Variants in LYPLAL1 observed in about 807,000 individuals in gnomAD.
LYPLAL1 encodes the protein lysophospholipase-like protein 1.
LYPLAL1 carries 23 observed loss-of-function variants against 19.7 expected under a neutral mutation model. The observed-to-expected ratio is 1.17, with a 90% confidence interval of 0.84 to 1.65. The LOEUF is 1.65. Among genes scored for constraint, LYPLAL1 ranks in the 40% most tolerant of loss-of-function variants. The probability of loss-of-function intolerance (pLI) is 0.00; values close to 1 mark genes in which losing one functional copy is unlikely to be tolerated. For synonymous variants in LYPLAL1, 119 were observed against 96.3 expected, an observed-to-expected ratio of 1.24 and a Z score of -1.38; for missense variants, 355 against 279.4, an observed-to-expected ratio of 1.27 and a Z score of -1.93.
the LYPLAL1 span, among the ~76,000 whole-genome samples, chr1:219,254,248 C>T: frequency 1.1e-4 from 16 of 151,884 alleles, no homozygotes; most frequent in African/African-American, 3.9e-4. Flanking sequence ...TCACTCTGTG[C>T]CTTTTATTTG....
At chr1:219,210,776 C>A in intron 4 of LYPLAL1, 129 bp downstream of exon 4, 1 of 804,706 alleles carries the variant, frequency 1.2e-6, no homozygotes, top group Non-Finnish European at 1.8e-6. Flanking sequence ...ATTGACCATT[C>A]CTGGAATTCA....
chr1:219,396,812 C>T, the LYPLAL1 span, among the ~76,000 whole-genome samples: 23 of 152,158 alleles, frequency 1.5e-4, no homozygotes, highest in African/African-American at 4.3e-4. Flanking sequence ...GCTTTTGGGC[C>T]GAGACTGTGG....
intron 3 of LYPLAL1, among the ~76,000 whole-genome samples, chr1:219,200,774 T>C (rs1222157918): frequency 2.0e-5 from 3 of 152,194 alleles, no homozygotes; most frequent in Non-Finnish European, 4.4e-5. Context: ...ATAGAAGATA[T>C]TATAAAGAAG....
downstream of LYPLAL1, among the ~76,000 whole-genome samples, chr1:219,213,319 A>G (rs1659170871): frequency 6.6e-6 from 1 of 151,578 alleles, no homozygotes. Context: ...AGTCTTAATT[A>G]CTATAACTGT....
the LYPLAL1 span, among the ~76,000 whole-genome samples, chr1:219,243,796 G>A: frequency 3.3e-5 from 5 of 151,702 alleles, no homozygotes; most frequent in Non-Finnish European, 7.4e-5. Context: ...GTGGGTGCCT[G>A]TAATCCCAGC....
chr1:219,301,284 A>T, the LYPLAL1 span, among the ~76,000 whole-genome samples: 1 of 152,236 alleles, frequency 6.6e-6, no homozygotes, highest in African/African-American at 2.4e-5. Context: ...AGGTATTCAC[A>T]GTAATCTAAG....
chr1:219,327,856 T>C, the LYPLAL1 span, among the ~76,000 whole-genome samples: 1 of 152,202 alleles, frequency 6.6e-6, no homozygotes, highest in Admixed American at 6.5e-5. Flanking sequence ...GCCTTTCATC[T>C]TCCACCATGA....
chr1:219,283,439 C>A, the LYPLAL1 span, among the ~76,000 whole-genome samples: 1 of 152,108 alleles, frequency 6.6e-6, no homozygotes. Flanking sequence ...AGAAGCAGAG[C>A]AGTTTAGCGT....
At chr1:219,445,422 T>G in the LYPLAL1 span, among the ~76,000 whole-genome samples, 1,592 of 38,122 alleles carry the variant, frequency 0.042, no homozygotes, top group African/African-American at 0.05. Flanking sequence ...GGGGGGGCGG[T>G]GGGGGGAACA....
chr1:219,429,939 G>A, the LYPLAL1 span, among the ~76,000 whole-genome samples: 2 of 152,116 alleles, frequency 1.3e-5, no homozygotes, highest in African/African-American at 4.8e-5. Flanking sequence ...AAGTCCAGGT[G>A]TCTCATTATT....
chr1:219,198,255 G>C (rs1298020562), intron 3 of LYPLAL1, among the ~76,000 whole-genome samples: 2 of 151,804 alleles, frequency 1.3e-5, no homozygotes, highest in Non-Finnish European at 2.9e-5. Flanking sequence ...AAAGCTAGCA[G>C]AAATGACCAG....
At chr1:219,221,903 A>G in the LYPLAL1 span, among the ~76,000 whole-genome samples, 1 of 152,132 alleles carries the variant, frequency 6.6e-6, no homozygotes, top group East Asian at 1.9e-4. Context: ...ATATGTTAAA[A>G]CAATAGAGGG....
At chr1:219,422,769 G>T in the LYPLAL1 span, among the ~76,000 whole-genome samples, 2 of 152,122 alleles carry the variant, frequency 1.3e-5, no homozygotes, top group Non-Finnish European at 2.9e-5. Flanking sequence ...AACTATCTGT[G>T]TGTGTGAAAA....
At chr1:219,334,140 G>T in the LYPLAL1 span, among the ~76,000 whole-genome samples, 6 of 151,896 alleles carry the variant, frequency 4.0e-5, no homozygotes, top group Admixed American at 3.9e-4. Context: ...TTTGATCATG[G>T]TTTTGAAAAC....
the LYPLAL1 span, among the ~76,000 whole-genome samples, chr1:219,423,213 A>C: frequency 6.6e-6 from 1 of 152,116 alleles, no homozygotes; most frequent in African/African-American, 2.4e-5. Flanking sequence ...TTTCTTCTTC[A>C]TACAGTGTTC....
chr1:219,245,976 G>A, the LYPLAL1 span, among the ~76,000 whole-genome samples: 14 of 152,258 alleles, frequency 9.2e-5, no homozygotes, highest in South Asian at 1.7e-3. Flanking sequence ...TCTGTGTGTC[G>A]GGGGATGTGG....
At chr1:219,373,883 A>G in the LYPLAL1 span, among the ~76,000 whole-genome samples, 1 of 2,758 alleles carries the variant, frequency 3.6e-4, no homozygotes, top group Non-Finnish European at 2.4e-3. Context: ...AAAAAAAAAC[A>G]AAAAAAAAAA....
At chr1:219,389,611 G>A in the LYPLAL1 span, among the ~76,000 whole-genome samples, 1 of 152,132 alleles carries the variant, frequency 6.6e-6, no homozygotes, top group Non-Finnish European at 1.5e-5. Flanking sequence ...TAACCCTTAT[G>A]CTAAAGCAGA....
At chr1:219,221,864 T>C in the LYPLAL1 span, among the ~76,000 whole-genome samples, 392 of 152,292 alleles carry the variant, frequency 2.6e-3, 4 homozygotes, top group Middle Eastern at 3.4e-3. Context: ...ACACCACTTA[T>C]ACTTTCAGTA....
Sources: gnomAD v4.1 joint callset for allele counts (sites outside exome capture counted in the v4.1 genomes callset) on GRCh38, gnomAD v4.1.1 for gene constraint, MANE v1.5 for transcripts, NCBI Gene and HGNC (gene_info 2026-07-23, HGNC 2026-07-21) for gene names.